TTLL11: variants seen among roughly 807,000 people sequenced by gnomAD.
The protein encoded by TTLL11 is tubulin tyrosine ligase like 11.
Under a neutral mutation model 51.7 loss-of-function variants are expected in TTLL11, and 42 were observed. The observed-to-expected ratio is 0.81, with a 90% CI of 0.64 to 1.05. The LOEUF is 1.05. Ranked by LOEUF, TTLL11 falls within the 50% of genes least tolerant of loss-of-function variation. The pLI is 0.00. For synonymous variants in TTLL11, 381 were observed against 383.5 expected (o/e 0.99, Z 0.08); for missense variants, 799 against 940.4 (o/e 0.85, Z 1.97).
At chr9:121,930,219 G>A (rs932704838) in intron 6 of TTLL11, among the ~76,000 whole-genome samples, 19 of 152,132 alleles carry the variant, frequency 1.2e-4, no homozygotes, top group South Asian at 4.1e-4. Flanking sequence ...TGGCTGCATC[G>A]GAAAAAGACT....
At chr9:121,854,415 A>G (rs574048782) in intron 8 of TTLL11, among the ~76,000 whole-genome samples, 9 of 152,300 alleles carry the variant, frequency 5.9e-5, no homozygotes, top group Admixed American at 5.9e-4. Flanking sequence ...GGAAGACTCC[A>G]CAGTCAGTTT....
intron 6 of TTLL11, among the ~76,000 whole-genome samples, chr9:121,932,198 C>T (rs1268632965): frequency 6.8e-6 from 1 of 146,906 alleles, no homozygotes; most frequent in African/African-American, 2.5e-5. Context: ...CTGCCACATC[C>T]CAGGATGCAG....
intron 6 of TTLL11, among the ~76,000 whole-genome samples, chr9:121,904,204 G>A (rs1342687032): frequency 6.7e-6 from 1 of 149,652 alleles, no homozygotes; most frequent in Non-Finnish European, 1.5e-5. Flanking sequence ...TTGAGACGGA[G>A]TCTCGCTCTA....
intron 7 of TTLL11, among the ~76,000 whole-genome samples, chr9:121,867,370 C>G (rs1315453307): frequency 6.6e-6 from 1 of 152,174 alleles, no homozygotes; most frequent in Non-Finnish European, 1.5e-5. Context: ...CCACAGCCAG[C>G]CTTCCCTCCC....
chr9:121,857,038 G>T (rs1263358573), intron 8 of TTLL11, among the ~76,000 whole-genome samples: 1 of 152,212 alleles, frequency 6.6e-6, no homozygotes, highest in Admixed American at 6.5e-5. Context: ...CTGGGCCCTG[G>T]CTGGCACCAG....
chr9:122,082,501 C>CAAAAAAAAAAAAAAA, intron 1 of TTLL11, among the ~76,000 whole-genome samples: 1 of 84,654 alleles, frequency 1.2e-5, no homozygotes, highest in Non-Finnish European at 2.5e-5. Flanking sequence ...GACTCTGTCT[C>CAAAAAAAAAAAAAAA]AAAAAAAAAA....
At chr9:121,874,721 G>A (rs952366015) in intron 6 of TTLL11, among the ~76,000 whole-genome samples, 4 of 150,778 alleles carry the variant, frequency 2.7e-5, no homozygotes, top group African/African-American at 2.4e-5. Flanking sequence ...TCAGTGATCA[G>A]TCCCCTGAGT....
chr9:121,983,842 C>T (rs1842877889), intron 4 of TTLL11, among the ~76,000 whole-genome samples: 1 of 152,132 alleles, frequency 6.6e-6, no homozygotes, highest in South Asian at 2.1e-4. Flanking sequence ...TTGTCTTATC[C>T]ATAACCACAT....
chr9:121,991,318 G>A (rs1404189771), intron 3 of TTLL11, among the ~76,000 whole-genome samples: 3 of 152,234 alleles, frequency 2.0e-5, no homozygotes, highest in Non-Finnish European at 4.4e-5. Flanking sequence ...AACACTTAAA[G>A]CCTTAATAAT....
chr9:121,989,062 A>C lies in TTLL11; in HGVS notation c.1269+133T>G, dbSNP rs1203989669. The C allele has an allele frequency of 6.6e-7, 1 of 1,510,824 alleles. No individual in the cohort carries two copies. Among genetic ancestry groups the C allele is most frequent in the Middle Eastern group, 1.9e-4 (1 of 5,150 alleles). 93.6% of individuals were successfully genotyped at this position (1,510,824 alleles called of 1,614,324 possible). A position where few individuals can be genotyped will look rare whatever the true frequency, so the allele number is the denominator to read the frequency against. Reference sequence around the variant, plus strand: ...GAAGTTGGGCCCAGGTTTAACACCCAAGCCCACAGCACCACCAACACTGTC... The same window carrying C: ...GAAGTTGGGCCCAGGTTTAACACCCCAGCCCACAGCACCACCAACACTGTC... On this transcript the variant is annotated intron_variant, in intron 4 of 8. Transcript: ENST00000321582. The surrounding 1 kb of genome is among the most constrained non-coding windows in gnomAD (Gnocchi z 4.2).
intron 8 of TTLL11, among the ~76,000 whole-genome samples, chr9:121,859,285 G>A (rs1837930917): frequency 6.6e-6 from 1 of 151,204 alleles, no homozygotes; most frequent in South Asian, 2.1e-4. Context: ...GAGCTCAGGA[G>A]TTCAAGACCA....
chr9:121,882,472 A>G lies in TTLL11; in HGVS notation c.1482-11724T>C, dbSNP rs116727427. Among the ~76,000 whole-genome samples the G allele has an allele frequency of 7.2e-3, 1,094 of 152,298 alleles. 5 individuals carry two copies. The highest frequency in any genetic ancestry group is 9.0e-3 in the African/African-American group (374 of 41,560). On this transcript the variant is annotated intron_variant, in intron 6 of 8. Transcript: ENST00000321582. Reference sequence around the variant, plus strand: ...TTCTCCAATCTTGCTTGTTCACAGCATTCAATGAAGCTGACCACTGTCTTC... The same window carrying G: ...TTCTCCAATCTTGCTTGTTCACAGCGTTCAATGAAGCTGACCACTGTCTTC...
intron 6 of TTLL11, among the ~76,000 whole-genome samples, chr9:121,887,467 G>A (rs906507229): frequency 6.6e-6 from 1 of 152,168 alleles, no homozygotes; most frequent in Non-Finnish European, 1.5e-5. Flanking sequence ...TCTTCCCCAC[G>A]TTAATCGACT....
intron 6 of TTLL11, among the ~76,000 whole-genome samples, chr9:121,873,162 C>A (rs1283570543): frequency 1.3e-5 from 2 of 152,180 alleles, no homozygotes; most frequent in Non-Finnish European, 2.9e-5. Context: ...GCTCAGAGGA[C>A]TCCTCAGTTG....
intron 3 of TTLL11, among the ~76,000 whole-genome samples, chr9:122,025,239 G>C (rs1844296170): frequency 6.6e-6 from 1 of 152,058 alleles, no homozygotes; most frequent in Non-Finnish European, 1.5e-5. Flanking sequence ...TGAAAAGAAA[G>C]CTCCACATCA....
intron 6 of TTLL11, among the ~76,000 whole-genome samples, chr9:121,919,026 AT>A (rs1840434065): frequency 6.6e-6 from 1 of 152,232 alleles, no homozygotes; most frequent in African/African-American, 2.4e-5. Context: ...CTTGTCCTTG[AT>A]TGGGTTACCC....
chr9:121,953,381 C>T (rs13295789), intron 6 of TTLL11, among the ~76,000 whole-genome samples: 35,357 of 151,898 alleles, frequency 0.23, 4,532 homozygotes, highest in Non-Finnish European at 0.3. Flanking sequence ...GTGTGTAATC[C>T]CAGCACATTG....
chr9:121,934,090 G>A (rs560051340), intron 6 of TTLL11, among the ~76,000 whole-genome samples: 12 of 152,126 alleles, frequency 7.9e-5, no homozygotes, highest in African/African-American at 9.6e-5. Flanking sequence ...TTAGCTGTGC[G>A]TGGTGTCACA....
chr9:122,065,664 A>C (rs73662579), intron 1 of TTLL11, among the ~76,000 whole-genome samples: 4,064 of 152,290 alleles, frequency 0.027, 171 homozygotes, highest in African/African-American at 0.093. Flanking sequence ...TACTAGACAA[A>C]CATAGATAAA....
Sources: gnomAD v4.1 joint callset for allele counts (sites outside exome capture counted in the v4.1 genomes callset) on GRCh38, gnomAD v4.1.1 for gene constraint, Gnocchi (gnomAD v3.1) non-coding constraint, MANE v1.5 for transcripts, NCBI Gene and HGNC (gene_info 2026-07-23, HGNC 2026-07-21) for gene names.